Variants in USP43 observed in about 807,000 individuals in gnomAD.
The protein encoded by USP43 is ubiquitin specific peptidase 43, also known as ubiquitin carboxyl-terminal hydrolase 43.
A neutral mutation model predicts 90.7 loss-of-function variants in USP43; 33 were observed. The ratio of observed to expected loss-of-function variants is 0.36; its 90% CI spans 0.28 to 0.49. The LOEUF (loss-of-function observed/expected upper bound fraction) is 0.49, where lower values mean the gene tolerates loss of function less well. Among genes scored for constraint, USP43 ranks in the 20% least tolerant of loss-of-function variants. USP43 has a pLI of 0.98. For missense variants in USP43, 1,274 were observed against 1,476.4 expected (o/e 0.86, Z 2.25); for synonymous variants, 598 against 615.8 (o/e 0.97, Z 0.43).
intron 3 of USP43, among the ~76,000 whole-genome samples, chr17:9,672,486 G>A (rs573066601): frequency 1.3e-3 from 194 of 152,260 alleles, no homozygotes; most frequent in Non-Finnish European, 2.1e-3. Context: ...GCATGAAGAC[G>A]TCAATGAAAA....
At chr17:9,705,476 C>T (rs990201366) in intron 12 of USP43, among the ~76,000 whole-genome samples, 20 of 152,036 alleles carry the variant, frequency 1.3e-4, no homozygotes, top group Admixed American at 4.6e-4. Flanking sequence ...TGCTGTCGGC[C>T]GGGCGTGGTG....
chr17:9,645,938 CT>C lies in USP43; in HGVS notation c.308del (p.Leu103Ter). 1 of 1,480,588 alleles carries C rather than the reference CT, an allele frequency of 6.8e-7. No individual in the cohort carries two copies. The highest frequency in any genetic ancestry group is 8.9e-7 in the Non-Finnish European group (1 of 1,118,418). The allele number at this position is 1,480,588 out of a possible 1,614,324, so 91.7% of individuals were successfully genotyped here. A position where few individuals can be genotyped will look rare whatever the true frequency, so the allele number is the denominator to read the frequency against. The part of the protein sequence containing the change: ...DGARPPGAQG[L>X]KNHGNTCFMN... ...GGGCGCGGCCGCCGGGCGCTCAGGG[CT>C]TGAAGAACCACGGCAACACCTGTTT... On this transcript the variant is annotated frameshift_variant, in exon 1 of 15. Transcript: ENST00000285199. LOFTEE classifies it high-confidence loss of function. The surrounding 1 kb of genome is among the most constrained non-coding windows in gnomAD (Gnocchi z 6.8).
chr17:9,720,872 A>T (rs528363597), intron 14 of USP43, among the ~76,000 whole-genome samples: 1 of 152,324 alleles, frequency 6.6e-6, no homozygotes, highest in Admixed American at 6.5e-5. Flanking sequence ...AGTGTCCTGC[A>T]ATGCCCAGGA....
intron 9 of USP43, among the ~76,000 whole-genome samples, chr17:9,695,858 A>G (rs1193532571): frequency 1.3e-5 from 2 of 152,206 alleles, no homozygotes; most frequent in Non-Finnish European, 2.9e-5. Flanking sequence ...GCCTCAGGTA[A>G]CAGGAATCAT....
intron 3 of USP43, among the ~76,000 whole-genome samples, chr17:9,668,096 T>C (rs939220719): frequency 1.3e-5 from 2 of 152,208 alleles, no homozygotes; most frequent in Admixed American, 6.5e-5. Context: ...GGAACTCTGT[T>C]CTCTATTATG....
chr17:9,648,559 T>C (rs563019305), intron 1 of USP43, among the ~76,000 whole-genome samples: 26 of 152,066 alleles, frequency 1.7e-4, no homozygotes, highest in African/African-American at 6.0e-4. Flanking sequence ...TGTGATTGGA[T>C]TGGGGGAGAT....
At chr17:9,724,119 C>G (rs1266057024) in intron 14 of USP43, among the ~76,000 whole-genome samples, 3 of 152,196 alleles carry the variant, frequency 2.0e-5, no homozygotes, top group Non-Finnish European at 4.4e-5. Context: ...CCCACCCTCT[C>G]ATGTATGGCA....
At chr17:9,683,509 T>G (rs1914424142) in intron 7 of USP43, among the ~76,000 whole-genome samples, 1 of 152,172 alleles carries the variant, frequency 6.6e-6, no homozygotes, top group Non-Finnish European at 1.5e-5. Flanking sequence ...GATTATTTAA[T>G]AATAATTAAA....
intron 5 of USP43, among the ~76,000 whole-genome samples, chr17:9,679,040 C>T (rs1360708185): frequency 6.6e-6 from 1 of 152,108 alleles, no homozygotes; most frequent in Non-Finnish European, 1.5e-5. Context: ...CCCTTCTCCA[C>T]CTCCAACTGT....
intron 1 of USP43, 90 bp downstream of exon 1, chr17:9,646,226 C>A (rs894569880): frequency 5.9e-6 from 8 of 1,346,934 alleles, no homozygotes; most frequent in African/African-American, 1.5e-5. Context: ...TTTCTTGGGG[C>A]CTTCTTTAAA....
intron 4 of USP43, among the ~76,000 whole-genome samples, chr17:9,675,640 C>T (rs1953243650): frequency 6.6e-6 from 1 of 152,114 alleles, no homozygotes; most frequent in African/African-American, 2.4e-5. Context: ...AGTGCCATTT[C>T]TCTTACCCTC....
Position 9,729,176 on chromosome 17 carries a change from C to A in USP43, c.*186C>A. 2 of 475,124 alleles carry A rather than the reference C, an allele frequency of 4.2e-6. No individual in the cohort carries two copies. The highest frequency in any genetic ancestry group is 6.9e-6 in the Non-Finnish European group (2 of 291,846). 29.4% of individuals were successfully genotyped at this position (475,124 alleles called of 1,614,324 possible). On this transcript the variant is annotated 3_prime_UTR_variant, in exon 15 of 15. Transcript: ENST00000285199. Reference sequence around the variant, plus strand: ...TCCAACACCCAAGGTCCATATAACCCAAGGTCGAAAACCTTCCTGCATCAT... The same window carrying A: ...TCCAACACCCAAGGTCCATATAACCAAAGGTCGAAAACCTTCCTGCATCAT...
chr17:9,681,185 C>CATTA (rs1567660781), intron 6 of USP43, among the ~76,000 whole-genome samples: 1,116 of 52,568 alleles, frequency 0.021, 56 homozygotes, highest in African/African-American at 0.09. Flanking sequence ...ATATAATATA[C>CATTA]TATATAATAT....
intron 14 of USP43, among the ~76,000 whole-genome samples, chr17:9,717,204 A>G (rs1253589137): frequency 6.6e-6 from 1 of 150,988 alleles, no homozygotes; most frequent in African/African-American, 2.4e-5. Context: ...AATAGTTTAC[A>G]TGTTTACATT....
chr17:9,697,716 A>G (rs934361978), intron 9 of USP43, among the ~76,000 whole-genome samples: 2 of 146,254 alleles, frequency 1.4e-5, no homozygotes, highest in Non-Finnish European at 3.0e-5. Flanking sequence ...CATGTACCAC[A>G]TTTTCTTTAT....
chr17:9,645,521 C>G lies in USP43; in HGVS notation c.-112C>G, dbSNP rs1911302933. 2 of 1,036,230 alleles carry G rather than the reference C, an allele frequency of 1.9e-6. No homozygotes were observed. The highest frequency in any genetic ancestry group is 9.6e-5 in the South Asian group (2 of 20,768). The allele number at this position is 1,036,230 out of a possible 1,614,324, so 64.2% of individuals were successfully genotyped here. A position where few individuals can be genotyped will look rare whatever the true frequency, so the allele number is the denominator to read the frequency against. Reference sequence around the variant, plus strand: ...CCGCCTCCGCCCCGTCCCCGCACACCTGGCCCGCAGGTAGCCGGCACCAGG... The same window carrying G: ...CCGCCTCCGCCCCGTCCCCGCACACGTGGCCCGCAGGTAGCCGGCACCAGG... On this transcript the variant is annotated 5_prime_UTR_variant, in exon 1 of 15. Transcript: ENST00000285199. The surrounding 1 kb of genome is among the most constrained non-coding windows in gnomAD (Gnocchi z 6.8).
At chr17:9,718,863 G>T (rs1435884096) in intron 14 of USP43, among the ~76,000 whole-genome samples, 1 of 151,514 alleles carries the variant, frequency 6.6e-6, no homozygotes, top group East Asian at 2.0e-4. Context: ...AAGAAAAAAA[G>T]AATCCGTTTC....
chr17:9,647,007 G>A (rs1052945307), intron 1 of USP43: 1 of 148,216 alleles, frequency 6.7e-6, no homozygotes, highest in African/African-American at 2.5e-5. Flanking sequence ...TTTGTTTGGG[G>A]TCCCAGTTGG....
intron 14 of USP43, among the ~76,000 whole-genome samples, chr17:9,720,315 C>G (rs1244541911): frequency 2.6e-5 from 3 of 113,854 alleles, no homozygotes; most frequent in Non-Finnish European, 5.1e-5. Flanking sequence ...GACAGAGACT[C>G]CATCTCAAAA....
Sources: gnomAD v4.1 joint callset for allele counts (sites outside exome capture counted in the v4.1 genomes callset) on GRCh38, gnomAD v4.1.1 for gene constraint, Gnocchi (gnomAD v3.1) non-coding constraint, MANE v1.5 for transcripts, NCBI Gene and HGNC (gene_info 2026-07-23, HGNC 2026-07-21) for gene names.